Variants in ANKRD11 observed in about 807,000 individuals in gnomAD.
ANKRD11 encodes ankyrin repeat domain 11.
A neutral mutation model predicts 195.7 loss-of-function variants in ANKRD11; 17 were observed. The ratio of observed to expected loss-of-function variants is 0.09; its 90% confidence interval spans 0.06 to 0.13. The LOEUF is 0.13. Among genes scored for constraint, ANKRD11 ranks in the 10% least tolerant of loss-of-function variants. ANKRD11 has a pLI of 1.00. For missense variants in ANKRD11, 3,735 were observed against 3,566.1 expected, an observed-to-expected ratio of 1.05 and a Z score of -1.21; for synonymous variants, 1,953 against 1,528.1, an observed-to-expected ratio of 1.28 and a Z score of -6.49.
chr16:89,355,875 A>C (rs557567731), intron 2 of ANKRD11, among the ~76,000 whole-genome samples: 1 of 152,248 alleles, frequency 6.6e-6, no homozygotes, highest in South Asian at 2.1e-4. Flanking sequence ...GATGAGATAA[A>C]CACCACAGGA....
chr16:89,329,417 A>T (rs1022677917), intron 2 of ANKRD11, among the ~76,000 whole-genome samples: 3 of 152,194 alleles, frequency 2.0e-5, no homozygotes, highest in Non-Finnish European at 2.9e-5. Context: ...AGGGAGAAAA[A>T]ACACAAGGGG....
At position 89,384,879 on chromosome 16, in the gene ANKRD11, C is replaced by CTTTTTTTTTTT. The variant is rs869271846; in HGVS notation, c.-60+33394_-60+33404dup. Among the ~76,000 whole-genome samples, 304 of 49,924 alleles carry CTTTTTTTTTTT rather than the reference C, an allele frequency of 6.1e-3. 43 individuals are homozygous for CTTTTTTTTTTT. The highest frequency in any genetic ancestry group is 0.018 in the African/African-American group (224 of 12,610). The allele number at this position is 49,924 out of a possible 152,430, so 32.8% of individuals were successfully genotyped here. On this transcript the variant is annotated intron_variant, in intron 2 of 12. Coordinates refer to ENST00000301030, the MANE Select transcript of ANKRD11 (RefSeq NM_013275.6). ...GGAGCACACAATGAGAAATAGTTTT[C>CTTTTTTTTTTT]TTTTTTTTTTTTTTTTTTTTTTTTT...
At chr16:89,365,302 C>A (rs2039898471) in intron 2 of ANKRD11, among the ~76,000 whole-genome samples, 1 of 152,196 alleles carries the variant, frequency 6.6e-6, no homozygotes, top group Admixed American at 6.5e-5. Flanking sequence ...CTTGTGTCAT[C>A]ACCTCCTGAC....
intron 2 of ANKRD11, among the ~76,000 whole-genome samples, chr16:89,408,154 G>A (rs538292168): frequency 1.3e-5 from 2 of 152,274 alleles, no homozygotes; most frequent in Admixed American, 6.5e-5. Context: ...CATGGCCCCA[G>A]AAGGCTGCAC....
intron 3 of ANKRD11, among the ~76,000 whole-genome samples, chr16:89,315,963 G>A (rs1279044291): frequency 3.3e-5 from 5 of 152,126 alleles, no homozygotes; most frequent in East Asian, 1.9e-4. Flanking sequence ...ACCAGAAGGC[G>A]GCCCAGAGCA....
At chr16:89,296,179 A>G (rs1406230899) in intron 4 of ANKRD11, among the ~76,000 whole-genome samples, 2 of 151,606 alleles carry the variant, frequency 1.3e-5, no homozygotes, top group African/African-American at 2.4e-5. Context: ...TGCTGTTCTG[A>G]AAACTTCACG....
chr16:89,282,411 G>A lies in ANKRD11; in HGVS notation c.4131C>T (p.Gly1377=), dbSNP rs755829820. 1.2e-5 allele frequency: 20 copies of A among 1,613,822 alleles called. No individual in the cohort carries two copies. Among genetic ancestry groups the A allele is most frequent in the African/African-American group, 2.7e-5 (2 of 74,816 alleles). ...TGCTACCGCCCTCCTTGTAATCTTC[G>A]CCCTTCTCTTTCTTCTCGGCCTTCT... ...KKEKAEKKEK[G]EDYKEGGSRK... Residue 1377 remains glycine (G), a synonymous_variant, in exon 9 of 13, where the codon GGC becomes GGT. Coordinates refer to ENST00000301030, the MANE Select transcript of ANKRD11 (RefSeq NM_013275.6).
chr16:89,425,839 C>G (rs1378768840), intron 1 of ANKRD11, among the ~76,000 whole-genome samples: 1 of 152,170 alleles, frequency 6.6e-6, no homozygotes, highest in Non-Finnish European at 1.5e-5. Context: ...AGAAGGAAAA[C>G]CAGGCTTCCT....
intron 2 of ANKRD11, among the ~76,000 whole-genome samples, chr16:89,363,230 A>T (rs1333918337): frequency 6.6e-6 from 1 of 152,184 alleles, no homozygotes; most frequent in Non-Finnish European, 1.5e-5. Context: ...GTAAGTTTTC[A>T]TTTAAAATTT....
intron 2 of ANKRD11, among the ~76,000 whole-genome samples, chr16:89,366,194 G>C (rs747657468): frequency 1.3e-5 from 2 of 151,452 alleles, no homozygotes; most frequent in Non-Finnish European, 2.9e-5. Context: ...GTATTCCACG[G>C]TGTATATGCA....
rs59807718 is a variant in ANKRD11, at chr16:89,432,236, T to TACACAC, written c.-144-13874_-144-13869dup. ...ATTCATGTTGTACATCGTGATGCAG[T>TACACAC]ACACACACACACACACACACACACA... On this transcript the variant is annotated intron_variant, in intron 1 of 12. Coordinates refer to ENST00000301030, the MANE Select transcript of ANKRD11 (RefSeq NM_013275.6). Among the ~76,000 whole-genome samples, 294 of 142,930 alleles carry TACACAC rather than the reference T, an allele frequency of 2.1e-3. 2 individuals carry two copies. The highest frequency in any genetic ancestry group is 6.6e-3 in the African/African-American group (251 of 38,280). 93.8% of individuals were successfully genotyped at this position (142,930 alleles called of 152,430 possible).
At chr16:89,446,962 AC>A (rs2043821909) in intron 1 of ANKRD11, among the ~76,000 whole-genome samples, 1 of 152,062 alleles carries the variant, frequency 6.6e-6, no homozygotes, top group South Asian at 2.1e-4. Context: ...CAAGTGCCTC[AC>A]GGGCCAGGTC....
chr16:89,336,235 GCC>G (rs777775881), intron 2 of ANKRD11, among the ~76,000 whole-genome samples: 65 of 152,356 alleles, frequency 4.3e-4, no homozygotes, highest in Non-Finnish European at 7.3e-4. Context: ...TCAGGCAAGA[GCC>G]ACATCAACAG....
At chr16:89,487,498 G>A (rs770152877) in intron 1 of ANKRD11, among the ~76,000 whole-genome samples, 18 of 152,302 alleles carry the variant, frequency 1.2e-4, no homozygotes, top group Admixed American at 1.0e-3. Flanking sequence ...AAAAGAGGCC[G>A]GGCGCGGTGG....
In ANKRD11 at chr16:89,275,099, G is replaced by A. The variant is rs1597412281; in HGVS notation, c.7563C>T (p.Ile2521=). 3.1e-6 allele frequency: 5 copies of A among 1,612,680 alleles called. No homozygotes were observed. Among genetic ancestry groups the A allele is most frequent in the African/African-American group, 2.7e-5 (2 of 74,906 alleles). The stretch of plus-strand genomic sequence containing the variant: ...CCTGTGCCAGCCCACTTACCCGCTC[G>A]ATGCTGTGCTGTAGACGCAGCTTTC... ...VRGKLRLQHS[I]EREKLIVSCE... The change falls in exon 10 of 13, where the codon ATC becomes ATT. Residue 2521 remains isoleucine, a synonymous_variant. Transcript: ENST00000301030.
rs918171715 is a variant in ANKRD11, at chr16:89,314,616, C to A, written c.87+2317G>T. Among the ~76,000 whole-genome samples, 11 of 152,190 alleles carry A rather than the reference C, an allele frequency of 7.2e-5. No homozygotes were observed. The East Asian group carries it at 2.1e-3, about 29-fold the overall frequency. On this transcript the variant is annotated intron_variant, in intron 3 of 12. Transcript: ENST00000301030. ...TGACACAGGGCTCCACCACGCCCAG[C>A]CTGCTGGTGTGTCAAGCGGCTCAGA...
chr16:89,483,720 C>T (rs912347284), intron 1 of ANKRD11, among the ~76,000 whole-genome samples: 2 of 150,754 alleles, frequency 1.3e-5, no homozygotes, highest in East Asian at 1.9e-4. Flanking sequence ...CCCAGCTACT[C>T]GGGAAGATGA....
At chr16:89,415,434 T>G (rs2042259383) in intron 2 of ANKRD11, among the ~76,000 whole-genome samples, 1 of 150,902 alleles carries the variant, frequency 6.6e-6, no homozygotes, top group African/African-American at 2.5e-5. Context: ...CCGGCTAATT[T>G]TTTGTATTTT....
chr16:89,462,947 G>A (rs1272458108), intron 1 of ANKRD11, among the ~76,000 whole-genome samples: 2 of 151,054 alleles, frequency 1.3e-5, no homozygotes, highest in South Asian at 2.1e-4. Flanking sequence ...GGAGGTGGAG[G>A]TGGGGGGGGT....
Sources: allele counts gnomAD v4.1 joint callset (sites outside exome capture counted in the v4.1 genomes callset), GRCh38; gene constraint gnomAD v4.1.1; transcripts MANE v1.5; gene names NCBI Gene and HGNC (gene_info 2026-07-23, HGNC 2026-07-21).